The following FBN1 variants were observed in gnomAD, a reference collection of about 807,000 sequenced individuals.
FBN1 encodes the protein fibrillin 1.
FBN1 carries 29 observed loss-of-function variants against 365.1 expected under a neutral mutation model. That is an observed-to-expected ratio of 0.08 (90% CI 0.06 to 0.11). FBN1 has a LOEUF of 0.11. Ranked by LOEUF, FBN1 falls within the 10% of genes least tolerant of loss-of-function variation. The pLI is 1.00. For missense variants in FBN1, 2,476 were observed against 3,703.2 expected, an observed-to-expected ratio of 0.67 and a Z score of 8.60; for synonymous variants, 1,210 against 1,270.5, an observed-to-expected ratio of 0.95 and a Z score of 1.01.
In FBN1 at chr15:48,497,249, T is replaced by C. The variant is rs1011459998; in HGVS notation, c.2293+17A>G. The C allele has an allele frequency of 1.9e-6, 3 of 1,613,998 alleles. No individual in the cohort carries two copies. Among genetic ancestry groups the C allele is most frequent in the Non-Finnish European group, 2.5e-6 (3 of 1,179,924 alleles). On this transcript the variant is annotated intron_variant, in intron 19 of 65. Coordinates refer to ENST00000316623, the MANE Select transcript of FBN1 (RefSeq NM_000138.5). ...ATTATGCAGGCAATGTTTCAGAAAA[T>C]GGGTAAAACTTCTCACCAACGCAGT... is the stretch of plus-strand genomic sequence containing the variant.
At chr15:48,484,255 T>C (rs1180618832) in intron 30 of FBN1, among the ~76,000 whole-genome samples, 2 of 152,230 alleles carry the variant, frequency 1.3e-5, no homozygotes, top group African/African-American at 4.8e-5. Flanking sequence ...TTATTTTCCC[T>C]ATTGTCAAAT....
intron 4 of FBN1, among the ~76,000 whole-genome samples, chr15:48,604,912 T>C (rs2044594699): frequency 6.6e-6 from 1 of 152,156 alleles, no homozygotes; most frequent in Non-Finnish European, 1.5e-5. Context: ...AGATTTGCAT[T>C]GGGAGTACAA....
chr15:48,459,353 T>C (rs1380442268), intron 43 of FBN1, among the ~76,000 whole-genome samples: 1 of 152,172 alleles, frequency 6.6e-6, no homozygotes, highest in Admixed American at 6.5e-5. Context: ...AACCATGAAG[T>C]TTCTTTGGAC....
At chr15:48,551,853 C>T (rs999652932) in intron 6 of FBN1, among the ~76,000 whole-genome samples, 1 of 152,124 alleles carries the variant, frequency 6.6e-6, no homozygotes, top group African/African-American at 2.4e-5. Flanking sequence ...CCTTTTATGG[C>T]TGTATAGTAT....
chr15:48,583,507 A>G (rs2044412857), intron 6 of FBN1, among the ~76,000 whole-genome samples: 1 of 152,202 alleles, frequency 6.6e-6, no homozygotes, highest in African/African-American at 2.4e-5. Context: ...GAAACTGTAT[A>G]CTTTACAGAG....
intron 2 of FBN1, among the ~76,000 whole-genome samples, chr15:48,618,698 G>GT (rs1211255343): frequency 1.3e-5 from 2 of 152,192 alleles, no homozygotes; most frequent in Non-Finnish European, 2.9e-5. Context: ...ACAGCAGGGG[G>GT]TAAGTGGCAG....
rs137854472 is a variant in FBN1, at chr15:48,488,448, T to C, written c.3128A>G (p.Lys1043Arg). 4.3e-6 allele frequency: 7 copies of C among 1,614,200 alleles called. No homozygotes were observed. The East Asian group carries it at 1.6e-4, about 36-fold the overall frequency. Residue 1043 changes from lysine to arginine, a missense_variant, in exon 26 of 66, where the codon AAG becomes AGG. Lys to Arg is a conservative substitution (Grantham distance 26). Coordinates refer to ENST00000316623, the MANE Select transcript of FBN1 (RefSeq NM_000138.5). ...AAAGCTGCCAATGGTGTTTCTGCAC[T>C]TGCCGTGGGTGCAGAGGCTGGGTAT... ...KMIPSLCTHGKCRNTIGSFKC... is the reference protein window; with the variant it reads ...KMIPSLCTHGRCRNTIGSFKC...
At chr15:48,553,938 C>T (rs943468814) in intron 6 of FBN1, among the ~76,000 whole-genome samples, 2 of 152,146 alleles carry the variant, frequency 1.3e-5, no homozygotes, top group African/African-American at 4.8e-5. Flanking sequence ...GACATGCTGT[C>T]TCACTTAATT....
rs1456413075 is a variant in FBN1 at position 48,409,741 on chromosome 15, T to C, written c.*1249A>G. ...AGAGGGGGGCATGATAAATCTATTATAATGAAATTCATGTGCTCTAAGACA... is the reference window on the plus strand; with the variant it reads ...AGAGGGGGGCATGATAAATCTATTACAATGAAATTCATGTGCTCTAAGACA... On this transcript the variant is annotated 3_prime_UTR_variant, in exon 66 of 66. Transcript: ENST00000316623. The C allele has an allele frequency of 2.0e-5, 3 of 152,180 alleles. No individual in the cohort carries two copies. The highest frequency in any genetic ancestry group is 2.9e-5 in the Non-Finnish European group (2 of 68,040). The allele number at this position is 152,180 out of a possible 1,614,324, so 9.4% of individuals were successfully genotyped here. A position where few individuals can be genotyped will look rare whatever the true frequency, so the allele number is the denominator to read the frequency against.
chr15:48,578,697 T>C, intron 6 of FBN1, among the ~76,000 whole-genome samples: 1 of 151,156 alleles, frequency 6.6e-6, no homozygotes, highest in Admixed American at 6.6e-5. Flanking sequence ...TGCATTCATG[T>C]CCTTTGTAGG....
At chr15:48,550,011 A>C (rs928449956) in intron 6 of FBN1, among the ~76,000 whole-genome samples, 7 of 152,238 alleles carry the variant, frequency 4.6e-5, no homozygotes, top group Non-Finnish European at 8.8e-5. Flanking sequence ...ATTTGTGGAT[A>C]ATGTTACCTT....
intron 32 of FBN1, among the ~76,000 whole-genome samples, chr15:48,475,222 TA>T (rs1311020946): frequency 6.6e-6 from 1 of 152,202 alleles, no homozygotes; most frequent in East Asian, 1.9e-4. Context: ...AAATGTTCCT[TA>T]AGACAGTATA....
intron 30 of FBN1, among the ~76,000 whole-genome samples, chr15:48,484,151 T>C (rs928753828): frequency 2.0e-5 from 3 of 152,200 alleles, no homozygotes; most frequent in Non-Finnish European, 2.9e-5. Context: ...TATAATATAC[T>C]GCTCAAGGGC....
intron 32 of FBN1, among the ~76,000 whole-genome samples, chr15:48,477,955 A>C (rs2043434568): frequency 6.6e-6 from 1 of 152,162 alleles, no homozygotes; most frequent in Non-Finnish European, 1.5e-5. Context: ...GTCCCATGCA[A>C]GTATGTCATC....
chr15:48,528,927 G>A (rs973332908), intron 8 of FBN1: 1 of 152,084 alleles, frequency 6.6e-6, no homozygotes, highest in South Asian at 2.1e-4. Context: ...GAAAGTTCCC[G>A]ACAGCAAAGG....
At chr15:48,642,532 T>C (rs1246005273) in intron 2 of FBN1, 7 of 152,204 alleles carry the variant, frequency 4.6e-5, no homozygotes, top group African/African-American at 1.4e-4. Flanking sequence ...TGTATACATA[T>C]ATATTTGTGT....
At chr15:48,549,793 G>T (rs958217131) in intron 6 of FBN1, among the ~76,000 whole-genome samples, 4 of 139,210 alleles carry the variant, frequency 2.9e-5, no homozygotes, top group Admixed American at 1.4e-4. Context: ...CATTCTCAAA[G>T]AAAAGAAAAA....
chr15:48,496,739 T>C (rs1308484169), intron 19 of FBN1, among the ~76,000 whole-genome samples: 1 of 152,202 alleles, frequency 6.6e-6, no homozygotes, highest in African/African-American at 2.4e-5. Flanking sequence ...GTAGCATTTA[T>C]GATTGTCATG....
At position 48,604,731 on chromosome 15, in the gene FBN1, A is replaced by T. The variant is rs117964553; in HGVS notation, c.347-4497T>A. On this transcript the variant is annotated intron_variant, in intron 4 of 65. Transcript: ENST00000316623. ...TCCTCCCAGTCCATATAAATCCCACACTTCCCTGAAAAGCTTTTTCAAGGA... is the reference window on the plus strand; with the variant it reads ...TCCTCCCAGTCCATATAAATCCCACTCTTCCCTGAAAAGCTTTTTCAAGGA... 4.3e-3 allele frequency among the ~76,000 whole-genome samples: 661 copies of T among 152,244 alleles called. 12 individuals are homozygous for T. The highest frequency in any genetic ancestry group is 0.031 in the Admixed American group (472 of 15,284).
Sources: allele counts gnomAD v4.1 joint callset (sites outside exome capture counted in the v4.1 genomes callset), GRCh38; gene constraint gnomAD v4.1.1; transcripts MANE v1.5; gene names NCBI Gene and HGNC (gene_info 2026-07-23, HGNC 2026-07-21).